The following IL1R2 variants were observed in gnomAD, a reference collection of about 807,000 sequenced individuals.
IL1R2 encodes the protein interleukin 1 receptor type 2, also known as interleukin-1 receptor type 2.
IL1R2 carries 46 observed loss-of-function variants against 39.5 expected under a neutral mutation model. The ratio of observed to expected loss-of-function variants is 1.16; its 90% confidence interval spans 0.92 to 1.49. The LOEUF (loss-of-function observed/expected upper bound fraction) is 1.49. Ranked by LOEUF, IL1R2 falls within the 40% of genes most tolerant of loss-of-function variation. The pLI is 0.00. For synonymous variants in IL1R2, 207 were observed against 189.6 expected (o/e 1.09, Z -0.75); for missense variants, 537 against 502.0 (o/e 1.07, Z -0.67).
At chr2:102,025,756 G>A (rs1460915043) in intron 7 of IL1R2, among the ~76,000 whole-genome samples, 2 of 152,164 alleles carry the variant, frequency 1.3e-5, no homozygotes, top group Non-Finnish European at 1.5e-5. Context: ...TTAATGGTGA[G>A]GGACTCAAGT....
At chr2:102,024,770 T>A in intron 7 of IL1R2, 102 bp downstream of exon 7, 1 of 1,375,862 alleles carries the variant, frequency 7.3e-7, no homozygotes, top group Non-Finnish European at 9.7e-7. Flanking sequence ...AAGTTACTTT[T>A]TTTGATTCCA....
chr2:102,012,290 G>A (rs1196029732), intron 3 of IL1R2, among the ~76,000 whole-genome samples: 1 of 152,138 alleles, frequency 6.6e-6, no homozygotes, highest in African/African-American at 2.4e-5. Context: ...TCCTCCAAAG[G>A]CACTGCTTGC....
In IL1R2 at chr2:102,004,727, C is replaced by T. The variant is rs183097862; in HGVS notation, c.-61-3788C>T. On this transcript the variant is annotated intron_variant, in intron 1 of 8. Transcript: ENST00000332549. ...CCTGCCAAAGATTTACTGTTTCCCACGCTACAGCAATTTTGGTTCCAACCT... is the reference window on the plus strand; with the variant it reads ...CCTGCCAAAGATTTACTGTTTCCCATGCTACAGCAATTTTGGTTCCAACCT... Among the ~76,000 whole-genome samples the T allele has an allele frequency of 1.1e-4, 17 of 152,320 alleles. No homozygotes were observed. In the East Asian group the frequency reaches 2.9e-3, roughly 26 times the overall value.
intron 6 of IL1R2, among the ~76,000 whole-genome samples, chr2:102,023,779 G>GCAC (rs1677542806): frequency 6.6e-6 from 1 of 152,172 alleles, no homozygotes; most frequent in Non-Finnish European, 1.5e-5. Context: ...TGGGCGTGGT[G>GCAC]GCTCATGGCT....
At chr2:102,002,151 C>T (rs1034942480) in intron 1 of IL1R2, 1 of 152,204 alleles carries the variant, frequency 6.6e-6, no homozygotes, top group African/African-American at 2.4e-5. Flanking sequence ...CTGGAGCTAT[C>T]GTTTACTTAC....
At chr2:102,003,652 G>T (rs1221126597) in intron 1 of IL1R2, among the ~76,000 whole-genome samples, 5 of 126,242 alleles carry the variant, frequency 4.0e-5, no homozygotes, top group African/African-American at 1.0e-4. Flanking sequence ...GTGTCTGGCT[G>T]TGGCTGTGGC....
chr2:102,009,844 G>A lies in IL1R2; in HGVS notation c.332+18G>A, dbSNP rs566500813. Reference sequence around the variant, plus strand: ...ACTACTAGGTAAGTCTCCCTGTGCGGGGCTGGGGAGGGGATCCTGGCAGGA... The same window carrying A: ...ACTACTAGGTAAGTCTCCCTGTGCGAGGCTGGGGAGGGGATCCTGGCAGGA... On this transcript the variant is annotated intron_variant, in intron 3 of 8. Coordinates refer to ENST00000332549, the MANE Select transcript of IL1R2 (RefSeq NM_004633.4). The A allele has an allele frequency of 1.0e-4, 166 of 1,610,546 alleles. No individual in the cohort carries two copies. The South Asian group carries it at 1.7e-3, about 17-fold the overall frequency.
chr2:102,000,250 G>A (rs1675784800), intron 1 of IL1R2, among the ~76,000 whole-genome samples: 1 of 152,196 alleles, frequency 6.6e-6, no homozygotes, highest in African/African-American at 2.4e-5. Context: ...TACATATGGT[G>A]TGACATCTAC....
chr2:102,019,517 G>C, intron 4 of IL1R2, 121 bp from the exon 5 acceptor site: 1 of 733,360 alleles, frequency 1.4e-6, no homozygotes, highest in South Asian at 1.9e-5. Flanking sequence ...AATTGGCAAA[G>C]TAAATACCAG....
chr2:102,024,653 C>G lies in IL1R2; in HGVS notation c.872C>G (p.Thr291Ser), dbSNP rs745417232. 2 of 1,614,126 alleles carry G rather than the reference C, an allele frequency of 1.2e-6. No homozygotes were observed. Among genetic ancestry groups the G allele is most frequent in the Admixed American group, 3.3e-5 (2 of 60,024 alleles). ...IESAYPGGRV[T>S]EGPRQEYSEN... The stretch of plus-strand genomic sequence containing the variant: ...AGCGCCTACCCGGGAGGCCGCGTGA[C>G]CGAGGGGCCACGCCAGTAAGTGGGC... The change falls in exon 7 of 9, where the codon ACC becomes AGC. Residue 291 changes from threonine (T) to serine (S), a missense_variant. Thr to Ser is a moderately conservative substitution (Grantham distance 58). Transcript: ENST00000332549.
intron 4 of IL1R2, chr2:102,016,259 AAT>A (rs1676997961): frequency 4.1e-6 from 2 of 486,750 alleles, no homozygotes; most frequent in Non-Finnish European, 3.7e-6. Flanking sequence ...AAACAAATAA[AAT>A]AACAGTACAA....
chr2:102,005,688 C>T (rs1326250538), intron 1 of IL1R2, among the ~76,000 whole-genome samples: 1 of 152,198 alleles, frequency 6.6e-6, no homozygotes, highest in African/African-American at 2.4e-5. Flanking sequence ...CCACTTACAT[C>T]TCATTGATCC....
At chr2:102,008,732 C>A in intron 2 of IL1R2, 90 bp downstream of exon 2, 2 of 1,162,752 alleles carry the variant, frequency 1.7e-6, no homozygotes, top group Non-Finnish European at 2.6e-6. Flanking sequence ...TGTCAGAAAG[C>A]AAAGTGTGGG....
At chr2:101,997,572 C>T (rs1559409690) in intron 1 of IL1R2, among the ~76,000 whole-genome samples, 1 of 152,150 alleles carries the variant, frequency 6.6e-6, no homozygotes, top group Non-Finnish European at 1.5e-5. Flanking sequence ...GAAGCTGTGG[C>T]TACAGGTCAT....
chr2:102,024,048 C>CAAAAAAAAAA (rs767273520), intron 6 of IL1R2, among the ~76,000 whole-genome samples: 30 of 139,860 alleles, frequency 2.1e-4, no homozygotes, highest in Middle Eastern at 3.5e-3. Flanking sequence ...GACTCCATCT[C>CAAAAAAAAAA]AAAAACAAAA....
At chr2:102,000,552 G>T (rs1301365317) in intron 1 of IL1R2, among the ~76,000 whole-genome samples, 1 of 152,174 alleles carries the variant, frequency 6.6e-6, no homozygotes, top group East Asian at 1.9e-4. Flanking sequence ...TCTAATTATG[G>T]ATACTTCCCA....
At position 102,028,311 on chromosome 2, in the gene IL1R2, G is replaced by A. The variant is rs370409838; in HGVS notation, c.1116G>A (p.Arg372=). Reference sequence around the variant, plus strand: ...TGGGGGGAATATGGATGCACAGACGGTGCAAACACAGAACTGGAAAAGCAG... The same window carrying A: ...TGGGGGGAATATGGATGCACAGACGATGCAAACACAGAACTGGAAAAGCAG... ...LVLGGIWMHR[R]CKHRTGKADG... is the part of the protein sequence containing the mutation. Residue 372 remains arginine, a synonymous_variant, in exon 9 of 9, where the codon CGG becomes CGA. Coordinates refer to ENST00000332549, the MANE Select transcript of IL1R2 (RefSeq NM_004633.4). 1.2e-6 allele frequency: 2 copies of A among 1,612,378 alleles called. No homozygotes were observed. Among genetic ancestry groups the A allele is most frequent in the African/African-American group, 2.7e-5 (2 of 74,898 alleles).
rs1487627834 is a variant in IL1R2, at chr2:101,996,144, A to G, written c.-62+4133A>G. Among the ~76,000 whole-genome samples, 11 of 124,798 alleles carry G rather than the reference A, an allele frequency of 8.8e-5. No homozygotes were observed. The Admixed American group carries it at 1.1e-3, about 12-fold the overall frequency. The allele number at this position is 124,798 out of a possible 152,430, so 81.9% of individuals were successfully genotyped here. On this transcript the variant is annotated intron_variant, in intron 1 of 8. Coordinates refer to ENST00000332549, the MANE Select transcript of IL1R2 (RefSeq NM_004633.4). ...AGAGAAGTGAATATTGGTGAACATG[A>G]GTGTACCCACCATGTAGGGTTACCC... is the stretch of plus-strand genomic sequence containing the variant.
chr2:102,020,672 A>G lies in IL1R2; in HGVS notation c.688+860A>G, dbSNP rs3218950. 9.0e-3 allele frequency among the ~76,000 whole-genome samples: 1,373 copies of G among 152,278 alleles called. 25 individuals carry two copies. The highest frequency in any genetic ancestry group is 0.032 in the African/African-American group (1,313 of 41,548). ...GAGGTGTCCTGATTGTGTTTGTTTTACAGTCCTGTGAGGATTCGTTCATAT... is the reference window on the plus strand; with the variant it reads ...GAGGTGTCCTGATTGTGTTTGTTTTGCAGTCCTGTGAGGATTCGTTCATAT... On this transcript the variant is annotated intron_variant, in intron 5 of 8. Transcript: ENST00000332549.
Sources: gnomAD v4.1 joint callset for allele counts (sites outside exome capture counted in the v4.1 genomes callset) on GRCh38, gnomAD v4.1.1 for gene constraint, MANE v1.5 for transcripts, NCBI Gene and HGNC (gene_info 2026-07-23, HGNC 2026-07-21) for gene names.